The following ZSWIM4 variants were observed in gnomAD, a reference collection of about 807,000 sequenced individuals.
The protein encoded by ZSWIM4 is zinc finger SWIM-type containing 4.
Under a neutral mutation model 102.5 loss-of-function variants are expected in ZSWIM4, and 62 were observed. That is an observed-to-expected ratio of 0.60 (90% CI 0.49 to 0.75). The LOEUF is 0.75. ZSWIM4 is among the 30% of genes least tolerant of loss of function. ZSWIM4 has a pLI of 0.00. For synonymous variants in ZSWIM4, 652 were observed against 674.5 expected (o/e 0.97, Z 0.52); for missense variants, 1,280 against 1,529.6 (o/e 0.84, Z 2.72).
At position 13,817,805 on chromosome 19, in the gene ZSWIM4, C is replaced by T. The variant is rs927523844; in HGVS notation, c.1753C>T (p.Leu585=). ...SPGESYLVLA[L]EVALLGLGQQ... is the part of the protein sequence containing the mutation. ...TGGGGAGTCCTACTTGGTGCTGGCG[C>T]TGGAGGTGGCACTGCTGGGGCTGGG... Residue 585 remains leucine (L), a synonymous_variant, in exon 9 of 14, where the codon CTG becomes TTG. Transcript: ENST00000590508. 1.3e-5 allele frequency: 21 copies of T among 1,587,060 alleles called. No homozygotes were observed. The highest frequency in any genetic ancestry group is 8.1e-5 in the South Asian group (7 of 86,910).
intron 12 of ZSWIM4, among the ~76,000 whole-genome samples, chr19:13,826,487 C>G (rs1013834561): frequency 1.3e-5 from 2 of 151,902 alleles, no homozygotes; most frequent in African/African-American, 4.8e-5. Context: ...CCTGTATGAG[C>G]CCGGGTGTGG....
chr19:13,816,303 G>T (rs573870259), intron 7 of ZSWIM4, among the ~76,000 whole-genome samples: 4 of 152,220 alleles, frequency 2.6e-5, no homozygotes, highest in Non-Finnish European at 5.9e-5. Context: ...TTAAAAATTA[G>T]CCAGGTGGCT....
chr19:13,815,312 T>C (rs1311565409), intron 7 of ZSWIM4: 1 of 151,786 alleles, frequency 6.6e-6, no homozygotes, highest in Non-Finnish European at 1.5e-5. Flanking sequence ...TGCGCCACCA[T>C]GCCCGGCTAA....
intron 2 of ZSWIM4, 23 bp from the exon 3 acceptor site, chr19:13,804,769 C>G: frequency 6.5e-7 from 1 of 1,546,938 alleles, no homozygotes; most frequent in Non-Finnish European, 8.7e-7. Flanking sequence ...GACACGGATG[C>G]GACAGTTTGG....
intron 1 of ZSWIM4, among the ~76,000 whole-genome samples, chr19:13,797,800 G>A (rs1599575129): frequency 6.6e-6 from 1 of 151,698 alleles, no homozygotes; most frequent in Admixed American, 6.6e-5. Flanking sequence ...CTACAGGTGT[G>A]AGCCGCCATA....
rs779061663 is a variant in ZSWIM4 at position 13,830,465 on chromosome 19, G to A, written c.2736G>A (p.Ala912=). The change falls in exon 14 of 14, where the codon GCG becomes GCA. Residue 912 remains alanine (A), a synonymous_variant. Transcript: ENST00000590508. ...CGGCCTACCAGATCGTGCTGGACGC[G>A]GCGGCCGGCGGCCTGGGCCACGCCC... ...FEAAYQIVLD[A]AAGGLGHAHL... 17 of 1,603,630 alleles carry A rather than the reference G, an allele frequency of 1.1e-5. No homozygotes were observed. Among genetic ancestry groups the A allele is most frequent in the African/African-American group, 4.0e-5 (3 of 74,908 alleles).
chr19:13,826,092 G>T (rs1975603927), intron 12 of ZSWIM4, among the ~76,000 whole-genome samples: 1 of 152,212 alleles, frequency 6.6e-6, no homozygotes, highest in Non-Finnish European at 1.5e-5. Context: ...GAAGGCCAAG[G>T]TCTGTAAGTC....
rs1300464937 is a variant in ZSWIM4, at chr19:13,830,461, A to G, written c.2732A>G (p.Asp911Gly). ...AFEAAYQIVL[D>G]AAAGGLGHAH... is the part of the protein sequence containing the mutation. ...GAGGCGGCCTACCAGATCGTGCTGGACGCGGCGGCCGGCGGCCTGGGCCAC... is the reference window on the plus strand; with the variant it reads ...GAGGCGGCCTACCAGATCGTGCTGGGCGCGGCGGCCGGCGGCCTGGGCCAC... The change falls in exon 14 of 14, where the codon GAC (aspartate) becomes GGC (glycine). Residue 911 changes from aspartate to glycine, a missense_variant. By Grantham distance (94) the Asp-to-Gly change is moderately conservative (BLOSUM62 -1). Transcript: ENST00000590508. 1 of 1,605,300 alleles carries G rather than the reference A, an allele frequency of 6.2e-7. No individual in the cohort carries two copies. The highest frequency in any genetic ancestry group is 1.7e-5 in the Admixed American group (1 of 60,002).
rs1048719631 is a variant in ZSWIM4, at chr19:13,817,342, C to A, written c.1658C>A (p.Thr553Asn). The change falls in exon 8 of 14, where the codon ACC becomes AAC. Residue 553 changes from threonine (T) to asparagine (N), a missense_variant. Coordinates refer to ENST00000590508, the MANE Select transcript of ZSWIM4 (RefSeq NM_001367834.3). ...EACRLEEETL[T>N]LYPDSGPEKR... ...TGTCGTCTGGAGGAGGAGACACTTA[C>A]CCTTTACCCAGGTACTCACATGGGG... 1 of 1,613,280 alleles carries A rather than the reference C, an allele frequency of 6.2e-7. No individual in the cohort carries two copies. Among genetic ancestry groups the A allele is most frequent in the African/African-American group, 1.3e-5 (1 of 74,912 alleles).
At chr19:13,820,704 A>G (rs1289006636) in intron 10 of ZSWIM4, among the ~76,000 whole-genome samples, 1 of 152,200 alleles carries the variant, frequency 6.6e-6, no homozygotes, top group Non-Finnish European at 1.5e-5. Context: ...GTTTCTGCAA[A>G]CCCATAATCT....
Position 13,800,211 on chromosome 19 carries a change from C to G in ZSWIM4, c.355+290C>G, listed in dbSNP as rs540797590. Among the ~76,000 whole-genome samples the G allele has an allele frequency of 6.7e-3, 911 of 135,488 alleles. 8 individuals carry two copies. Among genetic ancestry groups the G allele is most frequent in the Non-Finnish European group, 9.9e-3 (641 of 64,780 alleles). The allele number at this position is 135,488 out of a possible 152,430, so 88.9% of individuals were successfully genotyped here. A position where few individuals can be genotyped will look rare whatever the true frequency, so the allele number is the denominator to read the frequency against. ...TCCCGAGTAGCTGGGATTACAGGCG[C>G]CCGCCACCGCGCCCAGCTAATTTTT... On this transcript the variant is annotated intron_variant, in intron 2 of 13. Transcript: ENST00000590508.
intron 9 of ZSWIM4, among the ~76,000 whole-genome samples, chr19:13,819,072 G>C (rs941354763): frequency 5.3e-5 from 8 of 151,048 alleles, no homozygotes; most frequent in Non-Finnish European, 1.0e-4. Context: ...CACCGTGTTA[G>C]CCAGGATGGT....
At chr19:13,816,225 A>G (rs1382455687) in intron 7 of ZSWIM4, among the ~76,000 whole-genome samples, 3 of 152,108 alleles carry the variant, frequency 2.0e-5, no homozygotes, top group African/African-American at 4.8e-5. Flanking sequence ...TGGAGGAAAC[A>G]TGGGGGCCCT....
intron 1 of ZSWIM4, among the ~76,000 whole-genome samples, chr19:13,797,947 G>A (rs566147216): frequency 2.6e-5 from 4 of 152,262 alleles, no homozygotes; most frequent in East Asian, 3.9e-4. Flanking sequence ...ATGAGCCACC[G>A]CACCCGGACG....
chr19:13,802,166 C>T (rs1330858730), intron 2 of ZSWIM4, among the ~76,000 whole-genome samples: 1 of 108,948 alleles, frequency 9.2e-6, no homozygotes, highest in Non-Finnish European at 1.7e-5. Flanking sequence ...TTAGTAGAGA[C>T]GGCGTTTCAC....
chr19:13,800,405 A>C (rs925592500), intron 2 of ZSWIM4, among the ~76,000 whole-genome samples: 1 of 151,646 alleles, frequency 6.6e-6, no homozygotes, highest in African/African-American at 2.4e-5. Flanking sequence ...AGCCGGGACT[A>C]CAGGCGCCCG....
At chr19:13,802,741 A>G (rs1191512581) in intron 2 of ZSWIM4, among the ~76,000 whole-genome samples, 1 of 151,800 alleles carries the variant, frequency 6.6e-6, no homozygotes, top group Non-Finnish European at 1.5e-5. Context: ...ACCACACTTG[A>G]CTAGTTTTTA....
Position 13,806,471 on chromosome 19 carries a change from G to A in ZSWIM4, c.712+1323G>A, listed in dbSNP as rs191771755. 5.1e-3 allele frequency among the ~76,000 whole-genome samples: 779 copies of A among 152,098 alleles called. 1 individual carries two copies. The highest frequency in any genetic ancestry group is 8.0e-3 in the Non-Finnish European group (547 of 67,970). ...CACTCGAGACCAGCAGTTCAAGACC[G>A]GCCTGGGCAAAATAGGGAGACCTCC... On this transcript the variant is annotated intron_variant, in intron 3 of 13. Transcript: ENST00000590508.
Position 13,809,023 on chromosome 19 carries a change from C to T in ZSWIM4, c.861+39C>T, listed in dbSNP as rs772824324. On this transcript the variant is annotated intron_variant, in intron 4 of 13. Coordinates refer to ENST00000590508, the MANE Select transcript of ZSWIM4 (RefSeq NM_001367834.3). The surrounding 1 kb of genome is among the most constrained non-coding windows in gnomAD (Gnocchi z 4.2). ...CGGCGGGGCGCGGGGTGCAGAAGGCCCCGGCGGACGCCCCAGCCCTTCCTC... is the reference window on the plus strand; with the variant it reads ...CGGCGGGGCGCGGGGTGCAGAAGGCTCCGGCGGACGCCCCAGCCCTTCCTC... The T allele has an allele frequency of 2.5e-6, 4 of 1,606,684 alleles. No individual in the cohort carries two copies. Among genetic ancestry groups the T allele is most frequent in the Non-Finnish European group, 3.4e-6 (4 of 1,174,856 alleles).
Sources: allele counts gnomAD v4.1 joint callset (sites outside exome capture counted in the v4.1 genomes callset), GRCh38; gene constraint gnomAD v4.1.1; non-coding constraint Gnocchi (gnomAD v3.1); transcripts MANE v1.5; gene names NCBI Gene and HGNC (gene_info 2026-07-23, HGNC 2026-07-21).